Variants in PRSS55 observed in about 807,000 individuals in gnomAD.
PRSS55 encodes serine protease 55.
In PRSS55, 41 loss-of-function variants were observed where a neutral mutation model predicts 23.6. The observed-to-expected ratio is 1.74, with a 90% CI of 1.35 to 2.26. PRSS55 has a LOEUF of 2.26. Among genes scored for constraint, PRSS55 ranks in the 30% most tolerant of loss-of-function variants. PRSS55 has a pLI of 0.00. For synonymous variants in PRSS55, 262 were observed against 175.5 expected, an observed-to-expected ratio of 1.49 and a Z score of -3.90; for missense variants, 669 against 439.1, an observed-to-expected ratio of 1.52 and a Z score of -4.68.
In PRSS55 at chr8:10,531,532, C is replaced by A; in HGVS notation, c.585C>A (p.Gly195=). Residue 195 remains glycine, a synonymous_variant, in exon 3 of 5, where the codon GGC becomes GGA. Transcript: ENST00000328655. The stretch of plus-strand genomic sequence containing the variant: ...GCGAATGCTGGGTGGCAGGTTGGGG[C>A]CAGACCAATGCTGGTATGTGACTGC... ...TWRECWVAGW[G]QTNAADKNSV... 1.2e-6 allele frequency: 2 copies of A among 1,613,486 alleles called. No homozygotes were observed. The highest frequency in any genetic ancestry group is 2.2e-5 in the South Asian group (2 of 91,066).
intron 4 of PRSS55, among the ~76,000 whole-genome samples, chr8:10,534,630 G>A (rs1812392766): frequency 6.6e-6 from 1 of 152,184 alleles, no homozygotes; most frequent in African/African-American, 2.4e-5. Flanking sequence ...AGCAAAAGCT[G>A]GAAGCCTCCC....
intron 1 of PRSS55, among the ~76,000 whole-genome samples, chr8:10,527,425 C>A (rs1255703350): frequency 6.6e-6 from 1 of 152,214 alleles, no homozygotes; most frequent in Non-Finnish European, 1.5e-5. Flanking sequence ...ATTCTGGTAC[C>A]AGAGTCAGGC....
chr8:10,534,223 C>G (rs1462509210), intron 4 of PRSS55, among the ~76,000 whole-genome samples: 5 of 152,106 alleles, frequency 3.3e-5, no homozygotes, highest in African/African-American at 1.2e-4. Context: ...CTAAGTACAA[C>G]TAAAAGCACG....
downstream of PRSS55, among the ~76,000 whole-genome samples, chr8:10,542,895 A>C (rs1378555768): frequency 3.6e-5 from 5 of 137,020 alleles, no homozygotes; most frequent in South Asian, 1.0e-3. Context: ...AAAAAAAAAA[A>C]AAGACAACCT....
intron 4 of PRSS55, among the ~76,000 whole-genome samples, chr8:10,545,803 A>T (rs1219981985): frequency 6.6e-6 from 1 of 152,260 alleles, no homozygotes. Flanking sequence ...AGAATAGCTT[A>T]ATTGGGCACT....
chr8:10,542,846 C>T (rs1585889525), downstream of PRSS55, among the ~76,000 whole-genome samples: 1 of 139,298 alleles, frequency 7.2e-6, no homozygotes, highest in East Asian at 2.1e-4. Flanking sequence ...GCACTCCAGC[C>T]TGGGTGACAA....
At chr8:10,543,472 C>CTTTTTT (rs57410388), downstream of PRSS55, among the ~76,000 whole-genome samples, 1 of 29,236 alleles carries the variant, frequency 3.4e-5, no homozygotes, top group African/African-American at 7.2e-5. Context: ...TCCTTTCTTT[C>CTTTTTT]TTTCTCTCTT....
chr8:10,533,084 C>A (rs1166441232), intron 4 of PRSS55, 36 bp downstream of exon 4: 2 of 1,608,750 alleles, frequency 1.2e-6, no homozygotes, highest in African/African-American at 2.7e-5. Context: ...CTTATAGGTC[C>A]TCACCCTCTG....
At position 10,527,662 on chromosome 8, in the gene PRSS55, C is replaced by A. The variant is rs184617967; in HGVS notation, c.155-1845C>A. ...GCCACATGGCGCAGTGGTGAGAGCA[C>A]CAGCTCTGTTGCCAGCCGGCCTGGG... On this transcript the variant is annotated intron_variant, in intron 1 of 4. Coordinates refer to ENST00000328655, the MANE Select transcript of PRSS55 (RefSeq NM_198464.4). 7.9e-5 allele frequency among the ~76,000 whole-genome samples: 12 copies of A among 152,342 alleles called. No individual in the cohort carries two copies. In the East Asian group the frequency reaches 1.9e-3, roughly 24 times the overall value.
In PRSS55 at chr8:10,525,752, G is replaced by A. The variant is rs1007426354; in HGVS notation, c.154+13G>A. The A allele has an allele frequency of 3.2e-6, 5 of 1,583,288 alleles. No homozygotes were observed. Among genetic ancestry groups the A allele is most frequent in the South Asian group, 2.3e-5 (2 of 87,742 alleles). On this transcript the variant is annotated intron_variant, in intron 1 of 4. Coordinates refer to ENST00000328655, the MANE Select transcript of PRSS55 (RefSeq NM_198464.4). Reference sequence around the variant, plus strand: ...AGCCCAGTCAGTGGTGAGTACAGGGGCAGAAGGGGCATGGATGGGGGCTCA... The same window carrying A: ...AGCCCAGTCAGTGGTGAGTACAGGGACAGAAGGGGCATGGATGGGGGCTCA...
chr8:10,548,741 G>C (rs555662312), intron 4 of PRSS55, among the ~76,000 whole-genome samples: 1 of 148,996 alleles, frequency 6.7e-6, no homozygotes, highest in East Asian at 2.0e-4. Context: ...CCTCAGACTT[G>C]GATCCGCAGG....
downstream of PRSS55, among the ~76,000 whole-genome samples, chr8:10,542,560 A>G (rs116284355): frequency 0.012 from 1,823 of 152,150 alleles, 45 homozygotes; most frequent in African/African-American, 0.041. Flanking sequence ...ATTTGAGAGT[A>G]GCCCAAACGT....
At chr8:10,552,495 G>T (rs141096180) in intron 4 of PRSS55, among the ~76,000 whole-genome samples, 155 of 152,198 alleles carry the variant, frequency 1.0e-3, no homozygotes, top group African/African-American at 3.3e-3. Context: ...ACAACCTTTG[G>T]AATGGGAGAA....
intron 4 of PRSS55, chr8:10,545,007 C>A (rs1436436632): frequency 1.0e-5 from 10 of 985,070 alleles, no homozygotes; most frequent in South Asian, 9.4e-5. Context: ...GTTGACCCAG[C>A]CTCAACAAAC....
At chr8:10,544,412 T>A (rs1365535978) in intron 4 of PRSS55, among the ~76,000 whole-genome samples, 1 of 152,214 alleles carries the variant, frequency 6.6e-6, no homozygotes, top group Non-Finnish European at 1.5e-5. Flanking sequence ...ATATGTGAAT[T>A]TAAATGTGTT....
chr8:10,547,540 G>A (rs560577182), intron 4 of PRSS55: 19 of 152,974 alleles, frequency 1.2e-4, no homozygotes, highest in Non-Finnish European at 2.2e-4. Context: ...CTGACACCGC[G>A]GCTGCCTCGC....
intron 4 of PRSS55, among the ~76,000 whole-genome samples, chr8:10,533,690 TC>T (rs1374709742): frequency 1.3e-5 from 2 of 152,192 alleles, no homozygotes; most frequent in African/African-American, 4.8e-5. Context: ...TCAGAGGTGC[TC>T]CCTTCATCTT....
downstream of PRSS55, among the ~76,000 whole-genome samples, chr8:10,540,076 C>A (rs969141365): frequency 6.6e-6 from 1 of 152,216 alleles, no homozygotes. Context: ...AGCTGACCTC[C>A]CTCCATGGCT....
chr8:10,533,080 G>C (rs758950021), intron 4 of PRSS55, 32 bp downstream of exon 4: 2 of 1,611,674 alleles, frequency 1.2e-6, no homozygotes, highest in Non-Finnish European at 1.7e-6. Flanking sequence ...TCACCTTATA[G>C]GTCCTCACCC....
Sources: gnomAD v4.1 joint callset for allele counts (sites outside exome capture counted in the v4.1 genomes callset) on GRCh38, gnomAD v4.1.1 for gene constraint, MANE v1.5 for transcripts, NCBI Gene and HGNC (gene_info 2026-07-23, HGNC 2026-07-21) for gene names.